Variants in PHACTR4 observed in about 807,000 individuals in gnomAD.
PHACTR4 encodes phosphatase and actin regulator 4.
A neutral mutation model predicts 72.7 loss-of-function variants in PHACTR4; 51 were observed. The ratio of observed to expected loss-of-function variants is 0.70; its 90% CI spans 0.56 to 0.89. PHACTR4 has a LOEUF of 0.89. PHACTR4 is among the 40% of genes least tolerant of loss of function. The pLI is 0.00. For missense variants in PHACTR4, 731 were observed against 861.8 expected (o/e 0.85, Z 1.90); for synonymous variants, 255 against 302.5 (o/e 0.84, Z 1.63).
intron 2 of PHACTR4, among the ~76,000 whole-genome samples, chr1:28,448,196 T>G: frequency 6.6e-6 from 1 of 152,108 alleles, no homozygotes; most frequent in Non-Finnish European, 1.5e-5. Context: ...ATGTATACCT[T>G]GTTGAATAAA....
chr1:28,396,841 CTTTCTTTTT>C (rs1305518876), intron 1 of PHACTR4, among the ~76,000 whole-genome samples: 37 of 90,054 alleles, frequency 4.1e-4, no homozygotes, highest in Non-Finnish European at 7.1e-4. Context: ...TTCTTTCTTT[CTTTCTTTTT>C]TTTTTTTTTT....
intron 2 of PHACTR4, among the ~76,000 whole-genome samples, chr1:28,408,667 TA>T (rs1015573824): frequency 5.1e-4 from 75 of 147,440 alleles, no homozygotes; most frequent in African/African-American, 1.7e-3. Flanking sequence ...TATATATATA[TA>T]TATTTTTTTT....
chr1:28,445,773 A>G (rs1657423728), intron 2 of PHACTR4, among the ~76,000 whole-genome samples: 2 of 152,150 alleles, frequency 1.3e-5, no homozygotes, highest in African/African-American at 4.8e-5. Flanking sequence ...GCACACCTGC[A>G]GTCCCAGCTG....
rs1656718517 is a variant in PHACTR4 at position 28,437,670 on chromosome 1, C to G, written c.17-21415C>G. On this transcript the variant is annotated intron_variant, in intron 2 of 13. Coordinates refer to ENST00000373839, the MANE Select transcript of PHACTR4 (RefSeq NM_001048183.3). The stretch of plus-strand genomic sequence containing the variant: ...AGCCTCACATGATGGAAAAAGAGAA[C>G]TCTCTGGGTCTTTTTTGATAAAGTA... Among the ~76,000 whole-genome samples the G allele has an allele frequency of 2.0e-5, 3 of 152,298 alleles. No individual in the cohort carries two copies. The South Asian group carries it at 6.2e-4, about 32-fold the overall frequency.
chr1:28,449,915 A>G (rs1019611683), intron 2 of PHACTR4, among the ~76,000 whole-genome samples: 2 of 152,076 alleles, frequency 1.3e-5, no homozygotes, highest in African/African-American at 4.8e-5. Flanking sequence ...AAAAACTTCA[A>G]TTAAATATTT....
At chr1:28,464,492 C>G (rs1051717446) in intron 4 of PHACTR4, among the ~76,000 whole-genome samples, 3 of 152,132 alleles carry the variant, frequency 2.0e-5, no homozygotes, top group African/African-American at 7.2e-5. Context: ...GAGAGGAGGA[C>G]TGTTTGAGCC....
At chr1:28,375,732 G>A (rs1283721455) in intron 1 of PHACTR4, among the ~76,000 whole-genome samples, 1 of 152,072 alleles carries the variant, frequency 6.6e-6, no homozygotes, top group African/African-American at 2.4e-5. Context: ...GAAGGGAATG[G>A]ATGGATTCTT....
chr1:28,486,406 A>G (rs950439875), intron 9 of PHACTR4, among the ~76,000 whole-genome samples: 6 of 152,166 alleles, frequency 3.9e-5, no homozygotes, highest in Admixed American at 1.3e-4. Context: ...CATTCTTGCA[A>G]TTGTGATGAT....
chr1:28,402,767 CTA>C (rs1231076842), intron 1 of PHACTR4, among the ~76,000 whole-genome samples: 1 of 152,184 alleles, frequency 6.6e-6, no homozygotes, highest in Non-Finnish European at 1.5e-5. Context: ...TCTGCAAAAA[CTA>C]CACAGGATTT....
intron 2 of PHACTR4, chr1:28,433,089 A>G: frequency 1.0e-6 from 1 of 985,254 alleles, no homozygotes; most frequent in African/African-American, 1.7e-5. Context: ...GAGAATCACA[A>G]ATTTTAATTC....
rs569659101 is a variant in PHACTR4 at position 28,466,517 on chromosome 1, C to A, written c.572C>A (p.Ser191Tyr). ...ASEGQAKDAT[S>Y]SGGTARFIIS... ...GAAGGGCAAGCAAAGGATGCCACTT[C>A]CTCTGGCGGCACGGCAAGGTTCATC... The change falls in exon 6 of 14, where the codon TCC becomes TAC. Residue 191 changes from serine to tyrosine, a missense_variant. Coordinates refer to ENST00000373839, the MANE Select transcript of PHACTR4 (RefSeq NM_001048183.3). 2 of 1,614,122 alleles carry A rather than the reference C, an allele frequency of 1.2e-6. No homozygotes were observed. The highest frequency in any genetic ancestry group is 2.7e-5 in the African/African-American group (2 of 75,024).
rs1661051342 is a variant in PHACTR4, at chr1:28,491,744, G to A, written c.1973G>A (p.Arg658Gln). The part of the protein sequence containing the change: ...VEVTDAQDYD[R>Q]RADKPWTKLT... ...GTAACAGATGCTCAAGATTATGACC[G>A]GCGAGCCGACAAACCTTGGACCAAA... The change falls in exon 12 of 14, where the codon CGG becomes CAG. Residue 658 changes from arginine (R) to glutamine (Q), a missense_variant. Physicochemically the swap from Arg to Gln is conservative, Grantham distance 43. Around this residue, in one of 2 missense-constraint regions of PHACTR4, gnomAD observed 110 missense variants for 185.2 expected, o/e 0.59. Coordinates refer to ENST00000373839, the MANE Select transcript of PHACTR4 (RefSeq NM_001048183.3). 3.7e-6 allele frequency: 6 copies of A among 1,614,048 alleles called. No individual in the cohort carries two copies. The highest frequency in any genetic ancestry group is 5.1e-6 in the Non-Finnish European group (6 of 1,179,970).
intron 2 of PHACTR4, among the ~76,000 whole-genome samples, chr1:28,418,834 C>T (rs1438224672): frequency 2.6e-5 from 4 of 151,158 alleles, no homozygotes; most frequent in Non-Finnish European, 5.9e-5. Context: ...GCCTGTAGTC[C>T]CAGCTACTTG....
At chr1:28,474,421 G>A (rs991232270) in intron 7 of PHACTR4, among the ~76,000 whole-genome samples, 17 of 151,926 alleles carry the variant, frequency 1.1e-4, no homozygotes, top group African/African-American at 3.6e-4. Flanking sequence ...CTACTCGGGA[G>A]GCTGAGGCAG....
At chr1:28,414,202 G>A (rs116658103) in intron 2 of PHACTR4, among the ~76,000 whole-genome samples, 7,901 of 151,616 alleles carry the variant, frequency 0.052, 351 homozygotes, top group African/African-American at 0.11. Flanking sequence ...TCAGCCTCCC[G>A]AGTAACTGGG....
rs183241145 is a variant in PHACTR4, at chr1:28,448,191, T to A, written c.17-10894T>A. ...GTACTTCTTCACAGTGAAGTATGTA[T>A]ACCTTGTTGAATAAAATCATACATT... On this transcript the variant is annotated intron_variant, in intron 2 of 13. Coordinates refer to ENST00000373839, the MANE Select transcript of PHACTR4 (RefSeq NM_001048183.3). 2.7e-3 allele frequency among the ~76,000 whole-genome samples: 418 copies of A among 152,224 alleles called. 2 individuals carry two copies. Among genetic ancestry groups the A allele is most frequent in the Non-Finnish European group, 4.2e-3 (286 of 68,022 alleles).
At chr1:28,472,385 G>A (rs1659618616) in intron 6 of PHACTR4, among the ~76,000 whole-genome samples, 1 of 152,010 alleles carries the variant, frequency 6.6e-6, no homozygotes, top group African/African-American at 2.4e-5. Context: ...TGTCACCTCA[G>A]GTGGTATAAG....
At chr1:28,393,340 A>C (rs11247799) in intron 1 of PHACTR4, among the ~76,000 whole-genome samples, 58,634 of 151,986 alleles carry the variant, frequency 0.39, 13,006 homozygotes, top group African/African-American at 0.6. Context: ...ACACTAATTT[A>C]TTGGTAAATG....
chr1:28,437,139 AAGC>A (rs757852988), intron 2 of PHACTR4, among the ~76,000 whole-genome samples: 8 of 152,236 alleles, frequency 5.3e-5, no homozygotes, highest in Non-Finnish European at 1.0e-4. Flanking sequence ...ATTTTAGAAT[AAGC>A]AGCATGTCTT....
Sources: gnomAD v4.1 joint callset for allele counts (sites outside exome capture counted in the v4.1 genomes callset) on GRCh38, gnomAD v4.1.1 for gene constraint, gnomAD v4.1.1 regional missense constraint, MANE v1.5 for transcripts, NCBI Gene and HGNC (gene_info 2026-07-23, HGNC 2026-07-21) for gene names.